EYS: variants seen among roughly 807,000 people sequenced by gnomAD.
The protein encoded by EYS is protein eyes shut homolog.
Under a neutral mutation model 282.1 loss-of-function variants are expected in EYS, and 250 were observed. The observed-to-expected ratio is 0.89, with a 90% confidence interval of 0.80 to 0.98. The LOEUF is 0.98. Ranked by LOEUF, EYS falls within the 50% of genes least tolerant of loss-of-function variation. The pLI is 0.00. For synonymous variants in EYS, 1,355 were observed against 1,282.9 expected (o/e 1.06, Z -1.20); for missense variants, 4,016 against 3,709.0 (o/e 1.08, Z -2.15).
intron 33 of EYS, among the ~76,000 whole-genome samples, chr6:64,025,899 G>A (rs913166150): frequency 1.3e-5 from 2 of 152,160 alleles, no homozygotes; most frequent in Admixed American, 1.3e-4. Flanking sequence ...GAATGCTTAG[G>A]ACTCTAACAG....
At chr6:64,189,972 A>G (rs1765054232) in intron 31 of EYS, among the ~76,000 whole-genome samples, 1 of 152,144 alleles carries the variant, frequency 6.6e-6, no homozygotes, top group Admixed American at 6.5e-5. Flanking sequence ...TTGTCTATAC[A>G]ATTTTGTGTT....
intron 26 of EYS, among the ~76,000 whole-genome samples, chr6:64,553,125 C>T (rs1007130795): frequency 6.6e-6 from 1 of 152,070 alleles, no homozygotes; most frequent in African/African-American, 2.4e-5. Flanking sequence ...CACATGTTCT[C>T]AGGATCTCAC....
intron 26 of EYS, among the ~76,000 whole-genome samples, chr6:64,450,963 C>G (rs1240595248): frequency 6.6e-6 from 1 of 151,924 alleles, no homozygotes; most frequent in Non-Finnish European, 1.5e-5. Flanking sequence ...GAAGCAAGAG[C>G]AAACACATTC....
intron 12 of EYS, among the ~76,000 whole-genome samples, chr6:65,195,404 C>T (rs1211226642): frequency 6.6e-6 from 1 of 151,958 alleles, no homozygotes; most frequent in Non-Finnish European, 1.5e-5. Context: ...TTTGTAGTTG[C>T]TTGTGAATCT....
chr6:64,122,531 A>G (rs1773624570), intron 31 of EYS, among the ~76,000 whole-genome samples: 2 of 152,172 alleles, frequency 1.3e-5, no homozygotes, highest in Admixed American at 1.3e-4. Context: ...GCCTAGAGCC[A>G]GACTGCCTGA....
At chr6:64,725,681 A>G (rs912604934) in intron 22 of EYS, among the ~76,000 whole-genome samples, 3 of 152,040 alleles carry the variant, frequency 2.0e-5, no homozygotes, top group East Asian at 1.9e-4. Context: ...CAGCATCACC[A>G]TCCACCAAGA....
intron 31 of EYS, among the ~76,000 whole-genome samples, chr6:64,110,869 T>C (rs1167956686): frequency 3.3e-5 from 5 of 151,874 alleles, no homozygotes; most frequent in Non-Finnish European, 5.9e-5. Flanking sequence ...GAAAGAACCC[T>C]CAGTTGTGTA....
chr6:65,606,687 A>T (rs2149792822), intron 2 of EYS, among the ~76,000 whole-genome samples: 1 of 151,998 alleles, frequency 6.6e-6, no homozygotes, highest in East Asian at 1.9e-4. Flanking sequence ...TAATACATTT[A>T]AAATTACTTA....
At chr6:64,427,940 C>G (rs1774459256) in intron 28 of EYS, among the ~76,000 whole-genome samples, 1 of 151,998 alleles carries the variant, frequency 6.6e-6, no homozygotes, top group Non-Finnish European at 1.5e-5. Context: ...GTTTACCTCC[C>G]ATAACACAAC....
At chr6:65,325,885 T>C (rs1238032496) in intron 11 of EYS, among the ~76,000 whole-genome samples, 1 of 152,168 alleles carries the variant, frequency 6.6e-6, no homozygotes, top group East Asian at 1.9e-4. Flanking sequence ...AGGCCTCCTA[T>C]TAATTTTAAA....
At chr6:64,421,537 T>A (rs2150451798) in intron 28 of EYS, among the ~76,000 whole-genome samples, 1 of 152,100 alleles carries the variant, frequency 6.6e-6, no homozygotes, top group South Asian at 2.1e-4. Flanking sequence ...ATCTAGGGAA[T>A]TTTTTTTAAT....
chr6:65,264,097 G>T (rs1767689414), intron 12 of EYS, among the ~76,000 whole-genome samples: 1 of 151,598 alleles, frequency 6.6e-6, no homozygotes, highest in African/African-American at 2.4e-5. Flanking sequence ...AAATTATTTG[G>T]AATGTTCTAT....
At chr6:64,128,169 A>T (rs1024478534) in intron 31 of EYS, among the ~76,000 whole-genome samples, 2 of 152,094 alleles carry the variant, frequency 1.3e-5, no homozygotes, top group Non-Finnish European at 2.9e-5. Flanking sequence ...ACATTGCTAC[A>T]CGTTTTTACC....
chr6:64,993,330 G>A (rs1459437612), intron 14 of EYS, among the ~76,000 whole-genome samples: 1 of 151,554 alleles, frequency 6.6e-6, no homozygotes, highest in Admixed American at 6.6e-5. Flanking sequence ...TAATCCTCTG[G>A]GTATATACCC....
chr6:64,968,727 G>T (rs995004490), intron 14 of EYS, among the ~76,000 whole-genome samples: 19 of 152,022 alleles, frequency 1.2e-4, no homozygotes, highest in Non-Finnish European at 5.9e-5. Flanking sequence ...TTTTGTGGTT[G>T]CCATGGTGTG....
Position 64,591,894 on chromosome 6 carries a change from G to T in EYS, c.3973C>A (p.Gln1325Lys), listed in dbSNP as rs12663622. 1.3e-6 allele frequency: 2 copies of T among 1,550,380 alleles called. No homozygotes were observed. Among genetic ancestry groups the T allele is most frequent in the Non-Finnish European group, 8.7e-7 (1 of 1,146,112 alleles). Residue 1325 changes from glutamine to lysine, a missense_variant, in exon 26 of 43, where the codon CAA (glutamine) becomes AAA (lysine). Transcript: ENST00000503581. ...ISTPLESYLLQELIVTRELSA... is the reference protein window; with the variant it reads ...ISTPLESYLLKELIVTRELSA... The stretch of plus-strand genomic sequence containing the variant: ...AGCTCTCTAGTGACAATCAGTTCTT[G>T]GAGTAAGTAGCTTTCCAAGGGTGTG...
chr6:65,068,579 T>C (rs185542791), intron 12 of EYS, among the ~76,000 whole-genome samples: 3 of 152,164 alleles, frequency 2.0e-5, no homozygotes, highest in Admixed American at 6.6e-5. Context: ...TGTGTCTATG[T>C]ACCAACATGT....
Position 63,901,394 on chromosome 6 carries a change from T to C in EYS, c.7056-37036A>G, listed in dbSNP as rs186093657. ...ACTGTTCGAGATGTATAGGATAATA[T>C]GAACTATACAGACACATGTGTAATG... On this transcript the variant is annotated intron_variant, in intron 35 of 42. Coordinates refer to ENST00000503581, the MANE Select transcript of EYS (RefSeq NM_001142800.2). Among the ~76,000 whole-genome samples, 6 of 152,316 alleles carry C rather than the reference T, an allele frequency of 3.9e-5. No individual in the cohort carries two copies. In the East Asian group the frequency reaches 1.2e-3, roughly 29 times the overall value.
chr6:64,125,143 A>T (rs1285850138), intron 31 of EYS, among the ~76,000 whole-genome samples: 4 of 147,296 alleles, frequency 2.7e-5, no homozygotes, highest in African/African-American at 1.1e-4. Flanking sequence ...ACACACACAC[A>T]CACACTCTCT....
Sources: gnomAD v4.1 joint callset for allele counts (sites outside exome capture counted in the v4.1 genomes callset) on GRCh38, gnomAD v4.1.1 for gene constraint, MANE v1.5 for transcripts, NCBI Gene and HGNC (gene_info 2026-07-23, HGNC 2026-07-21) for gene names.